The following NAALADL2 variants were observed in gnomAD, a reference collection of about 807,000 sequenced individuals.
The protein encoded by NAALADL2 is N-acetylated alpha-linked acidic dipeptidase like 2, also known as inactive N-acetylated-alpha-linked acidic dipeptidase-like protein 2.
In NAALADL2, 76 loss-of-function variants were observed where a neutral mutation model predicts 87.2. The ratio of observed to expected loss-of-function variants is 0.87; its 90% CI spans 0.72 to 1.05. The LOEUF (loss-of-function observed/expected upper bound fraction) is 1.05, where lower values mean the gene tolerates loss of function less well. Ranked by LOEUF, NAALADL2 falls within the 50% of genes least tolerant of loss-of-function variation. NAALADL2 has a pLI of 0.00. For missense variants in NAALADL2, 1,089 were observed against 945.8 expected, an observed-to-expected ratio of 1.15 and a Z score of -1.99; for synonymous variants, 354 against 331.0, an observed-to-expected ratio of 1.07 and a Z score of -0.75.
rs71792051 is a variant in NAALADL2, at chr3:175,062,476, CTGTGTGTGTGTGTGTGTG to C, written c.44-34282_44-34265del. Among the ~76,000 whole-genome samples the C allele has an allele frequency of 8.7e-4, 114 of 131,568 alleles. 1 individual carries two copies. The highest frequency in any genetic ancestry group is 4.0e-3 in the Middle Eastern group (1 of 248). The allele number at this position is 131,568 out of a possible 152,430, so 86.3% of individuals were successfully genotyped here. A position where few individuals can be genotyped will look rare whatever the true frequency, so the allele number is the denominator to read the frequency against. On this transcript the variant is annotated intron_variant, in intron 1 of 13. Coordinates refer to ENST00000454872, the MANE Select transcript of NAALADL2 (RefSeq NM_207015.3). ...CCTGTTTGTAGGGCTGGAAGTTTGG[CTGTGTGTGTGTGTGTGTG>C]TGTGTGTGTGTGTGTGTGTGTGTGT... is the stretch of plus-strand genomic sequence containing the variant.
In NAALADL2 at chr3:175,728,477, T is replaced by A. The variant is rs188861425; in HGVS notation, c.1897-8829T>A. Among the ~76,000 whole-genome samples the A allele has an allele frequency of 2.0e-5, 3 of 152,172 alleles. No homozygotes were observed. The East Asian group carries it at 5.8e-4, about 29-fold the overall frequency. Reference sequence around the variant, plus strand: ...TGGATACTGCAGCTTTGGAAAGGGGTCGTGAGGACTGGCAGCTGCTTCTCA... The same window carrying A: ...TGGATACTGCAGCTTTGGAAAGGGGACGTGAGGACTGGCAGCTGCTTCTCA... On this transcript the variant is annotated intron_variant, in intron 11 of 13. Transcript: ENST00000454872.
chr3:175,493,257 T>C (rs1158183007), intron 9 of NAALADL2, among the ~76,000 whole-genome samples: 2 of 152,092 alleles, frequency 1.3e-5, no homozygotes, highest in African/African-American at 4.8e-5. Context: ...GAAAATATAA[T>C]AAATCTTTTT....
chr3:175,170,969 A>G (rs1734721044), intron 2 of NAALADL2, among the ~76,000 whole-genome samples: 1 of 151,988 alleles, frequency 6.6e-6, no homozygotes, highest in South Asian at 2.1e-4. Flanking sequence ...AATACAGATT[A>G]ATTTAGACTT....
chr3:175,669,089 G>T (rs1288153607), intron 11 of NAALADL2, among the ~76,000 whole-genome samples: 2 of 152,036 alleles, frequency 1.3e-5, no homozygotes, highest in Non-Finnish European at 2.9e-5. Context: ...ATAGGCATTA[G>T]TACCAAAGCA....
chr3:175,336,956 A>G (rs952215373), intron 5 of NAALADL2, among the ~76,000 whole-genome samples: 4 of 152,166 alleles, frequency 2.6e-5, no homozygotes, highest in African/African-American at 9.6e-5. Context: ...AGATACGCAC[A>G]TTTTCAAGCA....
At chr3:174,881,407 T>A (rs1197714767) in intron 1 of NAALADL2, among the ~76,000 whole-genome samples, 1 of 152,076 alleles carries the variant, frequency 6.6e-6, no homozygotes, top group Non-Finnish European at 1.5e-5. Flanking sequence ...ATAGCCTCAA[T>A]AGGGCTTGGG....
At chr3:175,319,298 A>G (rs1468477269) in intron 4 of NAALADL2, among the ~76,000 whole-genome samples, 1 of 152,214 alleles carries the variant, frequency 6.6e-6, no homozygotes, top group African/African-American at 2.4e-5. Flanking sequence ...TTAGGTTCTC[A>G]ATGTTAGTTT....
At chr3:175,533,870 A>C (rs1469759974) in intron 9 of NAALADL2, among the ~76,000 whole-genome samples, 1 of 152,070 alleles carries the variant, frequency 6.6e-6, no homozygotes, top group Non-Finnish European at 1.5e-5. Flanking sequence ...TCCTGAGTTC[A>C]TCATTTTCTT....
chr3:175,003,212 C>T (rs6799686), intron 1 of NAALADL2, among the ~76,000 whole-genome samples: 13,180 of 152,128 alleles, frequency 0.087, 1,303 homozygotes, highest in African/African-American at 0.24. Context: ...CCAGGGTATA[C>T]TTACAGCAGT....
intron 2 of NAALADL2, among the ~76,000 whole-genome samples, chr3:174,556,550 T>C (rs1180000974): frequency 6.6e-6 from 1 of 152,080 alleles, no homozygotes; most frequent in African/African-American, 2.4e-5. Context: ...ATAAACAACG[T>C]TGGAAAATAT....
At chr3:175,026,476 C>T (rs1227639209) in intron 1 of NAALADL2, among the ~76,000 whole-genome samples, 1 of 135,634 alleles carries the variant, frequency 7.4e-6, no homozygotes, top group African/African-American at 2.9e-5. Flanking sequence ...GAAACCCCGT[C>T]TCTACTAAAA....
At chr3:174,797,068 T>C (rs1174028551) in intron 3 of NAALADL2, among the ~76,000 whole-genome samples, 1 of 152,086 alleles carries the variant, frequency 6.6e-6, no homozygotes, top group Non-Finnish European at 1.5e-5. Flanking sequence ...TAGATTTTCT[T>C]CCAGTATTTT....
At chr3:175,193,679 A>C (rs1738547855) in intron 2 of NAALADL2, among the ~76,000 whole-genome samples, 1 of 151,938 alleles carries the variant, frequency 6.6e-6, no homozygotes, top group Admixed American at 6.5e-5. Flanking sequence ...ACAAAAAACA[A>C]AAACAAAACA....
chr3:174,853,747 A>G (rs1024086763), intron 3 of NAALADL2, among the ~76,000 whole-genome samples: 6 of 152,208 alleles, frequency 3.9e-5, no homozygotes, highest in Admixed American at 1.3e-4. Context: ...GCAAAAGAAG[A>G]TATAAAAATG....
intron 1 of NAALADL2, among the ~76,000 whole-genome samples, chr3:175,004,609 G>A (rs1477759003): frequency 6.6e-6 from 1 of 151,810 alleles, no homozygotes; most frequent in Non-Finnish European, 1.5e-5. Flanking sequence ...ATTGCTTATC[G>A]GTAGTATATG....
At chr3:175,034,667 G>A (rs557350628) in intron 1 of NAALADL2, among the ~76,000 whole-genome samples, 1 of 152,186 alleles carries the variant, frequency 6.6e-6, no homozygotes, top group South Asian at 2.1e-4. Context: ...GTGAATGCTA[G>A]ATCCAAACTG....
At chr3:174,696,115 G>C (rs554208576) in intron 2 of NAALADL2, among the ~76,000 whole-genome samples, 1 of 151,954 alleles carries the variant, frequency 6.6e-6, no homozygotes. Context: ...AATTAGTTTG[G>C]ATATGTTACC....
intron 4 of NAALADL2, among the ~76,000 whole-genome samples, chr3:175,284,881 C>T (rs576326871): frequency 6.6e-6 from 1 of 152,046 alleles, no homozygotes; most frequent in African/African-American, 2.4e-5. Flanking sequence ...CATCTTCATT[C>T]CTGGCTGCCA....
chr3:175,133,301 C>T (rs1424173547), intron 2 of NAALADL2, among the ~76,000 whole-genome samples: 15 of 152,308 alleles, frequency 9.8e-5, no homozygotes, highest in African/African-American at 3.6e-4. Context: ...AGAGATGCTC[C>T]TCACTTCCCA....
Sources: allele counts gnomAD v4.1 joint callset (sites outside exome capture counted in the v4.1 genomes callset), GRCh38; gene constraint gnomAD v4.1.1; transcripts MANE v1.5; gene names NCBI Gene and HGNC (gene_info 2026-07-23, HGNC 2026-07-21).